AKAP19: variants seen among roughly 807,000 people sequenced by gnomAD.
AKAP19 encodes small A-kinase anchoring protein.
At chr2:190,092,587 AC>A in the AKAP19 span, among the ~76,000 whole-genome samples, 1 of 151,982 alleles carries the variant, frequency 6.6e-6, no homozygotes, top group Admixed American at 6.6e-5. Context: ...GTTTGCATAG[AC>A]CTGTCCACCT....
the AKAP19 span, among the ~76,000 whole-genome samples, chr2:190,145,413 CA>C: frequency 3.3e-5 from 5 of 151,994 alleles, no homozygotes; most frequent in Non-Finnish European, 7.4e-5. Context: ...GCTTTATGAA[CA>C]AAAAAATTGC....
chr2:190,173,931 A>G, the AKAP19 span, among the ~76,000 whole-genome samples: 1 of 152,066 alleles, frequency 6.6e-6, no homozygotes. Context: ...TAGTTTCAGT[A>G]AACAACCCCC....
the AKAP19 span, among the ~76,000 whole-genome samples, chr2:189,904,204 A>G: frequency 6.6e-6 from 1 of 152,036 alleles, no homozygotes; most frequent in Non-Finnish European, 1.5e-5. Context: ...ATTGCCTTAT[A>G]TTTATGTAGT....
At chr2:189,988,974 C>T in the AKAP19 span, among the ~76,000 whole-genome samples, 1 of 152,214 alleles carries the variant, frequency 6.6e-6, no homozygotes, top group East Asian at 1.9e-4. Context: ...ATGAGGACAA[C>T]ATCCTGGCAT....
At chr2:189,912,186 G>GT in the AKAP19 span, among the ~76,000 whole-genome samples, 2 of 151,844 alleles carry the variant, frequency 1.3e-5, no homozygotes, top group South Asian at 2.1e-4. Flanking sequence ...AACCAATTCA[G>GT]TTTTTTCTTG....
chr2:190,146,224 C>A, the AKAP19 span, among the ~76,000 whole-genome samples: 1 of 152,136 alleles, frequency 6.6e-6, no homozygotes, highest in East Asian at 1.9e-4. Context: ...CATAGCTTAG[C>A]TCCCAAATGA....
chr2:190,174,318 C>T, the AKAP19 span, among the ~76,000 whole-genome samples: 1 of 152,230 alleles, frequency 6.6e-6, no homozygotes, highest in African/African-American at 2.4e-5. Context: ...ACTTCCAACA[C>T]TGCCATGACT....
At chr2:189,900,710 G>A in the AKAP19 span, among the ~76,000 whole-genome samples, 1 of 152,048 alleles carries the variant, frequency 6.6e-6, no homozygotes, top group Non-Finnish European at 1.5e-5. Context: ...CGACTCTCTG[G>A]GGCCAATGTC....
At chr2:190,153,940 C>T in the AKAP19 span, among the ~76,000 whole-genome samples, 3 of 152,148 alleles carry the variant, frequency 2.0e-5, no homozygotes, top group South Asian at 6.2e-4. Flanking sequence ...GTTCAAATAG[C>T]ATTACCTACT....
chr2:189,902,328 T>C, the AKAP19 span, among the ~76,000 whole-genome samples: 1 of 152,010 alleles, frequency 6.6e-6, no homozygotes, highest in Non-Finnish European at 1.5e-5. Context: ...TTTTTTTGTT[T>C]CCAATGTTAT....
the AKAP19 span, among the ~76,000 whole-genome samples, chr2:190,194,227 T>G: frequency 2.0e-5 from 3 of 152,324 alleles, no homozygotes; most frequent in South Asian, 6.2e-4. Flanking sequence ...TTGTTGGGTG[T>G]AGTGTTCTGT....
the AKAP19 span, among the ~76,000 whole-genome samples, chr2:189,989,002 T>C: frequency 6.6e-6 from 1 of 152,254 alleles, no homozygotes; most frequent in African/African-American, 2.4e-5. Context: ...TGCAATGAGA[T>C]GGGCTAGGGC....
the AKAP19 span, among the ~76,000 whole-genome samples, chr2:189,979,602 C>T: frequency 2.6e-5 from 4 of 152,034 alleles, no homozygotes; most frequent in African/African-American, 7.2e-5. Flanking sequence ...ACTAAGGCAT[C>T]TCTGTATAGC....
chr2:190,097,231 C>G, the AKAP19 span, among the ~76,000 whole-genome samples: 1 of 152,104 alleles, frequency 6.6e-6, no homozygotes, highest in Non-Finnish European at 1.5e-5. Context: ...CCCCCTAACC[C>G]CTACCCCAAC....
the AKAP19 span, among the ~76,000 whole-genome samples, chr2:190,162,973 G>T: frequency 6.6e-6 from 1 of 152,130 alleles, no homozygotes; most frequent in Non-Finnish European, 1.5e-5. Flanking sequence ...CTGTTAAAAA[G>T]CAAGTGGAGT....
At chr2:189,916,722 G>A in the AKAP19 span, among the ~76,000 whole-genome samples, 2 of 152,258 alleles carry the variant, frequency 1.3e-5, no homozygotes, top group South Asian at 4.1e-4. Flanking sequence ...AAACTTTTAT[G>A]ATTGGCTTCT....
At chr2:190,099,568 G>T in the AKAP19 span, among the ~76,000 whole-genome samples, 2 of 152,114 alleles carry the variant, frequency 1.3e-5, no homozygotes, top group Non-Finnish European at 2.9e-5. Context: ...GAAATCAATT[G>T]CAAGAATCAC....
At chr2:190,106,364 C>T in the AKAP19 span, among the ~76,000 whole-genome samples, 1 of 152,164 alleles carries the variant, frequency 6.6e-6, no homozygotes, top group South Asian at 2.1e-4. Flanking sequence ...TACTGAGTTG[C>T]TCTGCTTTCT....
At chr2:190,099,051 A>G in the AKAP19 span, among the ~76,000 whole-genome samples, 11 of 152,210 alleles carry the variant, frequency 7.2e-5, no homozygotes, top group Non-Finnish European at 1.6e-4. Flanking sequence ...TTCTGTCTCA[A>G]CCACTCAAAC....
Sources: gnomAD v4.1 joint callset for allele counts (sites outside exome capture counted in the v4.1 genomes callset) on GRCh38, gnomAD v4.1.1 for gene constraint, MANE v1.5 for transcripts, NCBI Gene and HGNC (gene_info 2026-07-23, HGNC 2026-07-21) for gene names.